The following ATXN8OS variants were observed in gnomAD, a reference collection of about 807,000 sequenced individuals.
ATXN8OS encodes the protein ATXN8 opposite strand (non-protein coding).
intron 3 of ATXN8OS, among the ~76,000 whole-genome samples, chr13:70,143,752 GA>G (rs1363816722): frequency 6.6e-6 from 1 of 152,090 alleles, no homozygotes; most frequent in African/African-American, 2.4e-5. Flanking sequence ...TTTTATGGCA[GA>G]ATTCGTGTTT....
intron 3 of ATXN8OS, among the ~76,000 whole-genome samples, chr13:70,144,420 T>C (rs1045307920): frequency 6.6e-6 from 1 of 152,128 alleles, no homozygotes; most frequent in Non-Finnish European, 1.5e-5. Context: ...TTATTTTTCT[T>C]ATTTTTATTT....
chr13:70,163,886 G>GTT (rs59511009), intron 4 of ATXN8OS, among the ~76,000 whole-genome samples: 226 of 144,972 alleles, frequency 1.6e-3, no homozygotes, highest in African/African-American at 5.2e-3. Context: ...GGAAATCATG[G>GTT]TTTTTTTTTT....
At chr13:70,139,480 A>T in intron 3 of ATXN8OS, 1 of 649,928 alleles carries the variant, frequency 1.5e-6, no homozygotes, top group Non-Finnish European at 2.7e-6. Flanking sequence ...TATAATTGTT[A>T]TATATTTTTC....
At chr13:70,161,103 T>C (rs1466116060) in intron 4 of ATXN8OS, among the ~76,000 whole-genome samples, 1 of 151,580 alleles carries the variant, frequency 6.6e-6, no homozygotes, top group Non-Finnish European at 1.5e-5. Context: ...TCTTCTAAAG[T>C]AAGCCAGTAA....
chr13:70,155,064 T>C (rs1888919779), intron 4 of ATXN8OS, among the ~76,000 whole-genome samples: 1 of 152,190 alleles, frequency 6.6e-6, no homozygotes, highest in African/African-American at 2.4e-5. Context: ...CCGGGCGCAG[T>C]CTTTTGGACA....
chr13:70,150,715 G>A (rs1888854705), intron 4 of ATXN8OS, among the ~76,000 whole-genome samples: 1 of 152,060 alleles, frequency 6.6e-6, no homozygotes, highest in Non-Finnish European at 1.5e-5. Context: ...AGTATTTAGT[G>A]ATTCCTCTTT....
chr13:70,166,702 C>T (rs1298863237), intron 4 of ATXN8OS, among the ~76,000 whole-genome samples: 1 of 152,030 alleles, frequency 6.6e-6, no homozygotes, highest in East Asian at 1.9e-4. Flanking sequence ...TTCTGCACAA[C>T]AAAAGAAACT....
rs538254368 is a variant in ATXN8OS at position 70,168,029 on chromosome 13, A to T, written n.574-1724A>T. Among the ~76,000 whole-genome samples, 11 of 152,202 alleles carry T rather than the reference A, an allele frequency of 7.2e-5. No individual in the cohort carries two copies. The South Asian group carries it at 2.3e-3, about 32-fold the overall frequency. Reference sequence around the variant, plus strand: ...GCGTGAGCCACCGCGCCCGGCCAACATATGTGACTTCTAATGTGCCCACTT... The same window carrying T: ...GCGTGAGCCACCGCGCCCGGCCAACTTATGTGACTTCTAATGTGCCCACTT... On this transcript the variant is annotated intron_variant and non_coding_transcript_variant, in intron 4 of 4. Coordinates refer to ENST00000678624, the Ensembl canonical transcript of ATXN8OS.
At chr13:70,152,644 A>G (rs1035972286) in intron 4 of ATXN8OS, among the ~76,000 whole-genome samples, 6 of 152,030 alleles carry the variant, frequency 3.9e-5, no homozygotes, top group African/African-American at 1.4e-4. Flanking sequence ...GATGATCAAT[A>G]AATGTCTTAT....
At chr13:70,109,238 T>C (rs1566585091) in intron 1 of ATXN8OS, among the ~76,000 whole-genome samples, 1 of 152,226 alleles carries the variant, frequency 6.6e-6, no homozygotes, top group Non-Finnish European at 1.5e-5. Context: ...ATGGTGAGGA[T>C]TGCGATCACT....
intron 2 of ATXN8OS, among the ~76,000 whole-genome samples, chr13:70,119,820 G>A (rs1454906266): frequency 6.6e-6 from 1 of 151,986 alleles, no homozygotes; most frequent in Admixed American, 6.6e-5. Context: ...CAGACTATGT[G>A]TATAAAGTCA....
At chr13:70,162,330 A>C (rs1422134030) in intron 4 of ATXN8OS, among the ~76,000 whole-genome samples, 1 of 152,036 alleles carries the variant, frequency 6.6e-6, no homozygotes, top group African/African-American at 2.4e-5. Context: ...CTCTGTCATC[A>C]CTCCTAGGAC....
intron 4 of ATXN8OS, among the ~76,000 whole-genome samples, chr13:70,158,923 G>A (rs570783337): frequency 6.6e-6 from 1 of 152,044 alleles, no homozygotes; most frequent in African/African-American, 2.4e-5. Context: ...CTTAAGAGCC[G>A]AAGCCTTTAA....
Position 70,160,780 on chromosome 13 carries a change from A to G in ATXN8OS, n.574-8973A>G, listed in dbSNP as rs1221082447. 9.6e-5 allele frequency among the ~76,000 whole-genome samples: 2 copies of G among 20,834 alleles called. 1 individual carries two copies. Among genetic ancestry groups the G allele is most frequent in the African/African-American group, 1.8e-4 (2 of 11,250 alleles). The allele number at this position is 20,834 out of a possible 152,430, so 13.7% of individuals were successfully genotyped here. A position where few individuals can be genotyped will look rare whatever the true frequency, so the allele number is the denominator to read the frequency against. On this transcript the variant is annotated intron_variant and non_coding_transcript_variant, in intron 4 of 4. Coordinates refer to ENST00000678624, the Ensembl canonical transcript of ATXN8OS. ...ATATTTATATAATATGTAAATATAT[A>G]AATATTTATTTATAAATATATTTAT...
At chr13:70,117,596 T>C (rs1442826129) in intron 2 of ATXN8OS, among the ~76,000 whole-genome samples, 1 of 152,104 alleles carries the variant, frequency 6.6e-6, no homozygotes, top group Non-Finnish European at 1.5e-5. Context: ...GAAAGCAACA[T>C]TGTAGAATGG....
Position 70,139,660 on chromosome 13 carries a change from G to A in ATXN8OS, n.500-7695G>A, listed in dbSNP as rs1388741019. Among the ~76,000 whole-genome samples, 5 of 152,012 alleles carry A rather than the reference G, an allele frequency of 3.3e-5. No homozygotes were observed. The East Asian group carries it at 9.6e-4, about 29-fold the overall frequency. ...ACAATGTTTATCAAAGAAAATTGTAGCAACCAATATACTTAGTGGAATTTC... is the reference window on the plus strand; with the variant it reads ...ACAATGTTTATCAAAGAAAATTGTAACAACCAATATACTTAGTGGAATTTC... On this transcript the variant is annotated intron_variant and non_coding_transcript_variant, in intron 3 of 4. Coordinates refer to ENST00000678624, the Ensembl canonical transcript of ATXN8OS.
At chr13:70,168,178 A>G (rs962148763) in intron 4 of ATXN8OS, among the ~76,000 whole-genome samples, 4 of 152,130 alleles carry the variant, frequency 2.6e-5, no homozygotes, top group African/African-American at 9.7e-5. Context: ...AACAAGAAAA[A>G]GGAAAGCAGT....
In ATXN8OS at chr13:70,107,804, C is replaced by A. The variant is rs966717808; in HGVS notation, n.25C>A. ...CGGGGGCGGAGGAAGAGGCGGGATG[C>A]GCCCTCTGCACCCCTAGAGCCAGAA... is the stretch of plus-strand genomic sequence containing the variant. On this transcript the variant is annotated non_coding_transcript_exon_variant, in exon 1 of 5. Transcript: ENST00000678624. 153 of 836,400 alleles carry A rather than the reference C, an allele frequency of 1.8e-4. No individual in the cohort carries two copies. In the Middle Eastern group the frequency reaches 2.2e-3, roughly 12 times the overall value. The allele number at this position is 836,400 out of a possible 1,614,324, so 51.8% of individuals were successfully genotyped here.
intron 3 of ATXN8OS, among the ~76,000 whole-genome samples, chr13:70,143,027 C>A (rs558204398): frequency 2.0e-5 from 3 of 151,100 alleles, no homozygotes; most frequent in African/African-American, 7.3e-5. Flanking sequence ...GAGCCGAGAT[C>A]GCGCCATTGC....
Sources: allele counts gnomAD v4.1 joint callset (sites outside exome capture counted in the v4.1 genomes callset), GRCh38; gene constraint gnomAD v4.1.1; transcripts MANE v1.5; gene names NCBI Gene and HGNC (gene_info 2026-07-23, HGNC 2026-07-21).